Variants in POTEF observed in about 807,000 individuals in gnomAD.
POTEF encodes the protein ANKRD26-like family C member 1B.
Under a neutral mutation model 83.2 loss-of-function variants are expected in POTEF, and 20 were observed. That is an observed-to-expected ratio of 0.24 (90% CI 0.17 to 0.35). The LOEUF (loss-of-function observed/expected upper bound fraction) is 0.35, where lower values mean the gene tolerates loss of function less well. Ranked by LOEUF, POTEF falls within the 10% of genes least tolerant of loss-of-function variation. The probability of loss-of-function intolerance (pLI) is 1.00; values close to 1 mark genes in which losing one functional copy is unlikely to be tolerated. For missense variants in POTEF, 550 were observed against 1,203.2 expected (o/e 0.46, Z 8.03); for synonymous variants, 196 against 446.4 (o/e 0.44, Z 7.07).
At chr2:130,094,949 T>C (rs1163213368) in intron 11 of POTEF, among the ~76,000 whole-genome samples, 1 of 150,624 alleles carries the variant, frequency 6.6e-6, no homozygotes, top group Non-Finnish European at 1.5e-5. Context: ...GAATGTAGCT[T>C]ATTACAAAGA....
chr2:130,117,747 C>T (rs71422851), intron 3 of POTEF, among the ~76,000 whole-genome samples: 7 of 151,644 alleles, frequency 4.6e-5, no homozygotes, highest in Non-Finnish European at 8.8e-5. Flanking sequence ...AAAAACAGAC[C>T]TCTATTTGGT....
At chr2:130,104,517 T>A (rs887161881) in intron 8 of POTEF, among the ~76,000 whole-genome samples, 5 of 151,026 alleles carry the variant, frequency 3.3e-5, no homozygotes, top group Non-Finnish European at 7.4e-5. Context: ...CTAAAGGGAT[T>A]CTGTTTGGTT....
At chr2:130,104,623 G>C (rs1177939614) in intron 8 of POTEF, among the ~76,000 whole-genome samples, 1 of 151,578 alleles carries the variant, frequency 6.6e-6, no homozygotes, top group African/African-American at 2.4e-5. Flanking sequence ...GGGCACTCTA[G>C]GACTGAATTT....
intron 3 of POTEF, among the ~76,000 whole-genome samples, chr2:130,119,665 ACTT>A (rs1288324910): frequency 6.6e-6 from 1 of 151,642 alleles, no homozygotes; most frequent in Non-Finnish European, 1.5e-5. Context: ...CTCAATATAC[ACTT>A]TTCTATAATG....
intron 12 of POTEF, among the ~76,000 whole-genome samples, chr2:130,092,385 G>A (rs1684148463): frequency 7.1e-6 from 1 of 141,636 alleles, no homozygotes; most frequent in African/African-American, 2.9e-5. Context: ...GCACCTTAAA[G>A]ATTAAAACTA....
At chr2:130,110,458 T>A in intron 7 of POTEF, 85 bp downstream of exon 7, 1 of 1,553,614 alleles carries the variant, frequency 6.4e-7, no homozygotes, top group Non-Finnish European at 8.7e-7. Context: ...AACTATGACA[T>A]CTCACCTGAT....
In POTEF at chr2:130,075,409, T is replaced by G. The variant is rs755070928; in HGVS notation, c.2063A>C (p.Asp688Ala). Residue 688 changes from aspartate (D) to alanine (A), a missense_variant, in exon 17 of 17, where the codon GAT becomes GCT. Physicochemically the swap from Asp to Ala is moderately radical, Grantham distance 126 (BLOSUM62 -2). Transcript: ENST00000409914. ...CAATTGTAGAGCCTTTAAAAGATTA[T>G]CATTCCTTTTTTTCACACTTTCAAT... ...EDIESVKKRN[D>A]NLLKALQLNE... 6.2e-7 allele frequency: 1 copy of G among 1,611,648 alleles called. No homozygotes were observed. Among genetic ancestry groups the G allele is most frequent in the South Asian group, 1.1e-5 (1 of 90,992 alleles).
chr2:130,098,517 A>G (rs1488146534), intron 11 of POTEF, among the ~76,000 whole-genome samples: 7 of 151,712 alleles, frequency 4.6e-5, no homozygotes, highest in African/African-American at 1.7e-4. Context: ...AAATATTACA[A>G]GAATTTTAAC....
intron 1 of POTEF, among the ~76,000 whole-genome samples, chr2:130,128,793 G>A (rs1051705179): frequency 1.5e-5 from 2 of 134,832 alleles, no homozygotes. Flanking sequence ...CCCTGCCCCG[G>A]GCAGTGCAGC....
At chr2:130,117,934 CCTTTTTTTTTT>C (rs199759020) in intron 3 of POTEF, among the ~76,000 whole-genome samples, 76,095 of 141,912 alleles carry the variant, frequency 0.54, 20,725 homozygotes, top group Admixed American at 0.67. Flanking sequence ...GTATTTCATT[CCTTTTTTTTTT>C]CTTTTTTTTT....
intron 7 of POTEF, 96 bp from the exon 8 acceptor site, chr2:130,108,175 T>C (rs1684597831): frequency 1.3e-6 from 2 of 1,487,884 alleles, no homozygotes; most frequent in Admixed American, 4.4e-5. Flanking sequence ...TCAAACAATA[T>C]CAGAATAACA....
At chr2:130,111,641 G>GT (rs1684712921) in intron 6 of POTEF, among the ~76,000 whole-genome samples, 2 of 151,040 alleles carry the variant, frequency 1.3e-5, no homozygotes. Context: ...TAAGACACAG[G>GT]TTAAAAACTA....
intron 2 of POTEF, 98 bp from the exon 3 acceptor site, chr2:130,120,706 C>A: frequency 2.0e-6 from 2 of 976,110 alleles, no homozygotes; most frequent in Non-Finnish European, 3.0e-6. Flanking sequence ...CACACCCACC[C>A]GAGGAAAGCC....
chr2:130,094,992 C>G (rs1225045436), intron 11 of POTEF, among the ~76,000 whole-genome samples: 1 of 151,520 alleles, frequency 6.6e-6, no homozygotes, highest in East Asian at 1.9e-4. Flanking sequence ...AGACAATTAC[C>G]AGGCAAAACT....
intron 5 of POTEF, among the ~76,000 whole-genome samples, chr2:130,113,161 C>T (rs1448766405): frequency 8.2e-6 from 1 of 122,478 alleles, no homozygotes; most frequent in African/African-American, 3.4e-5. Flanking sequence ...GTGGGTGAAT[C>T]GCTTGAGCCC....
In POTEF at chr2:130,107,933, C is replaced by T. The variant is rs561571523; in HGVS notation, c.1126+76G>A. 216 of 1,569,548 alleles carry T rather than the reference C, an allele frequency of 1.4e-4. 1 individual carries two copies. The Middle Eastern group carries it at 2.5e-3, about 18-fold the overall frequency. On this transcript the variant is annotated intron_variant, in intron 8 of 16. Coordinates refer to ENST00000409914, the MANE Select transcript of POTEF (RefSeq NM_001099771.2). ...CTCCCCCAGCCCATGGAAAAATTGTCTTCCACAAAACCGGTCCCTGGTGTC... is the reference window on the plus strand; with the variant it reads ...CTCCCCCAGCCCATGGAAAAATTGTTTTCCACAAAACCGGTCCCTGGTGTC...
intron 2 of POTEF, among the ~76,000 whole-genome samples, chr2:130,123,459 C>G (rs1370225051): frequency 2.0e-5 from 3 of 152,066 alleles, no homozygotes; most frequent in South Asian, 2.1e-4. Context: ...CAAACTCCCT[C>G]TCTCATGAGT....
chr2:130,118,479 G>A (rs1198681121), intron 3 of POTEF, among the ~76,000 whole-genome samples: 3 of 151,808 alleles, frequency 2.0e-5, no homozygotes, highest in African/African-American at 4.9e-5. Flanking sequence ...GGTGGATCAC[G>A]AGGGCAGGAG....
chr2:130,113,185 C>A (rs1684756322), intron 5 of POTEF, among the ~76,000 whole-genome samples: 1 of 113,210 alleles, frequency 8.8e-6, no homozygotes, highest in Admixed American at 9.8e-5. Flanking sequence ...AGTTCAAGAC[C>A]AGCCTGAGAA....
Sources: allele counts gnomAD v4.1 joint callset (sites outside exome capture counted in the v4.1 genomes callset), GRCh38; gene constraint gnomAD v4.1.1; transcripts MANE v1.5; gene names NCBI Gene and HGNC (gene_info 2026-07-23, HGNC 2026-07-21).